The following KIFAP3 variants were observed in gnomAD, a reference collection of about 807,000 sequenced individuals.
KIFAP3 encodes kinesin associated protein 3.
KIFAP3 carries 68 observed loss-of-function variants against 106.5 expected under a neutral mutation model. That is an observed-to-expected ratio of 0.64 (90% CI 0.53 to 0.78). The LOEUF is 0.78. Among genes scored for constraint, KIFAP3 ranks in the 30% least tolerant of loss-of-function variants. KIFAP3 has a pLI of 0.00. For missense variants in KIFAP3, 780 were observed against 941.8 expected (o/e 0.83, Z 2.25); for synonymous variants, 320 against 311.5 (o/e 1.03, Z -0.29).
intron 10 of KIFAP3, among the ~76,000 whole-genome samples, chr1:169,995,857 A>AAAAGAAT (rs1257201491): frequency 6.6e-6 from 1 of 152,162 alleles, no homozygotes; most frequent in African/African-American, 2.4e-5. Flanking sequence ...TAAAATAAAT[A>AAAAGAAT]AAAGAATAAC....
intron 18 of KIFAP3, among the ~76,000 whole-genome samples, chr1:169,955,546 G>A (rs534980620): frequency 6.6e-6 from 1 of 152,142 alleles, no homozygotes; most frequent in African/African-American, 2.4e-5. Context: ...TGTTTGAGGA[G>A]TAAGGGTCTA....
At chr1:169,943,701 A>G (rs1261591002) in intron 19 of KIFAP3, among the ~76,000 whole-genome samples, 1 of 152,204 alleles carries the variant, frequency 6.6e-6, no homozygotes, top group African/African-American at 2.4e-5. Context: ...ATCCTTGCTT[A>G]AAGACTTTCT....
At chr1:170,066,592 G>A (rs1465801817) in intron 1 of KIFAP3, among the ~76,000 whole-genome samples, 1 of 152,126 alleles carries the variant, frequency 6.6e-6, no homozygotes, top group Non-Finnish European at 1.5e-5. Context: ...TGAATTTGAG[G>A]CTACTTTTCC....
chr1:169,924,456 C>T (rs1233808393), intron 19 of KIFAP3, among the ~76,000 whole-genome samples: 1 of 152,174 alleles, frequency 6.6e-6, no homozygotes, highest in East Asian at 1.9e-4. Context: ...CATTATGTAT[C>T]ACAGATGAAC....
intron 10 of KIFAP3, among the ~76,000 whole-genome samples, chr1:170,003,798 A>T (rs539510569): frequency 6.6e-6 from 1 of 152,332 alleles, no homozygotes; most frequent in East Asian, 1.9e-4. Flanking sequence ...GAAAACTGGC[A>T]CAAGACAGGG....
chr1:170,055,051 T>C (rs1290887735), intron 2 of KIFAP3, among the ~76,000 whole-genome samples: 1 of 152,204 alleles, frequency 6.6e-6, no homozygotes, highest in Non-Finnish European at 1.5e-5. Context: ...ATCTATTATA[T>C]TCATTTTCTA....
In KIFAP3 at chr1:169,964,246, G is replaced by A. The variant is rs7550342; in HGVS notation, c.1984-3011C>T. Among the ~76,000 whole-genome samples, 551 of 152,188 alleles carry A rather than the reference G, an allele frequency of 3.6e-3. 3 individuals carry two copies. Among genetic ancestry groups the A allele is most frequent in the Middle Eastern group, 0.01 (3 of 294 alleles). ...AATGTTAGCCATTACCTTAATTAAA[G>A]TAACGGCTCTCTGACATATGTGCCA... On this transcript the variant is annotated intron_variant, in intron 17 of 19. Coordinates refer to ENST00000361580, the MANE Select transcript of KIFAP3 (RefSeq NM_014970.4).
intron 1 of KIFAP3, among the ~76,000 whole-genome samples, chr1:170,080,206 C>T (rs941416663): frequency 1.3e-5 from 2 of 151,838 alleles, no homozygotes; most frequent in Non-Finnish European, 2.9e-5. Flanking sequence ...GATAAATCTA[C>T]CAAAATTTGT....
chr1:170,052,320 G>A (rs771409682), intron 2 of KIFAP3, among the ~76,000 whole-genome samples: 2 of 152,050 alleles, frequency 1.3e-5, no homozygotes, highest in Admixed American at 6.5e-5. Context: ...CCAATAACAA[G>A]TTCTGAAATT....
At position 170,038,418 on chromosome 1, in the gene KIFAP3, G is replaced by A. The variant is rs1669796705; in HGVS notation, c.389C>T (p.Ala130Val). The A allele has an allele frequency of 5.0e-6, 8 of 1,605,738 alleles. No homozygotes were observed. In the South Asian group the frequency reaches 9.0e-5, roughly 18 times the overall value. Residue 130 changes from alanine (A) to valine (V), a missense_variant, in exon 5 of 20, where the codon GCT (alanine) becomes GTT (valine). Physicochemically the swap from Ala to Val is moderately conservative, Grantham distance 64 (BLOSUM62 0). This residue lies in a region of KIFAP3 where 588 missense variants were observed against 678.9 expected (regional missense o/e 0.87). Transcript: ENST00000361580. Reference sequence around the variant, plus strand: ...ATATTCATCCATGTCATTAATGTTAGCAACTTCATCAATCTGAAACAAAGA... The same window carrying A: ...ATATTCATCCATGTCATTAATGTTAACAACTTCATCAATCTGAAACAAAGA... ...PFEGMEIDEV[A>V]NINDMDEYIE...
intron 19 of KIFAP3, among the ~76,000 whole-genome samples, chr1:169,947,965 T>C (rs1223704812): frequency 3.3e-5 from 5 of 151,054 alleles, no homozygotes; most frequent in African/African-American, 7.3e-5. Context: ...ATCTAGTATG[T>C]AGACAAAAAT....
At chr1:170,030,029 G>T (rs1669317104) in intron 8 of KIFAP3, among the ~76,000 whole-genome samples, 1 of 151,788 alleles carries the variant, frequency 6.6e-6, no homozygotes, top group Non-Finnish European at 1.5e-5. Flanking sequence ...ACTTCTAGAA[G>T]AAAACATATT....
intron 11 of KIFAP3, among the ~76,000 whole-genome samples, chr1:169,991,207 C>A (rs2101930879): frequency 6.6e-6 from 1 of 152,032 alleles, no homozygotes; most frequent in South Asian, 2.1e-4. Context: ...ATTAACCAGT[C>A]ATGGTGGTGC....
intron 10 of KIFAP3, among the ~76,000 whole-genome samples, chr1:170,010,422 T>C (rs982828462): frequency 3.3e-5 from 5 of 152,002 alleles, no homozygotes; most frequent in African/African-American, 1.2e-4. Context: ...ATGCTTTATG[T>C]GACAAAACAA....
chr1:170,037,902 T>G (rs911346644), intron 5 of KIFAP3, among the ~76,000 whole-genome samples: 4 of 152,204 alleles, frequency 2.6e-5, no homozygotes, highest in Non-Finnish European at 5.9e-5. Flanking sequence ...ACACTTGATG[T>G]GAAATTCAAT....
At chr1:170,061,435 G>A (rs932172703) in intron 1 of KIFAP3, among the ~76,000 whole-genome samples, 61 of 152,338 alleles carry the variant, frequency 4.0e-4, no homozygotes, top group African/African-American at 1.5e-3. Context: ...CTGGCCATTA[G>A]AGAAATGCAA....
intron 16 of KIFAP3, among the ~76,000 whole-genome samples, chr1:169,974,495 G>T (rs1022035020): frequency 3.3e-5 from 5 of 151,624 alleles, no homozygotes; most frequent in Non-Finnish European, 7.4e-5. Flanking sequence ...GTACAGATTT[G>T]CTACATGGCT....
rs1463133534 is a variant in KIFAP3, at chr1:169,948,982, AAATAAGTCT to A, written c.2273+5020_2273+5028del. Among the ~76,000 whole-genome samples the A allele has an allele frequency of 7.9e-5, 12 of 151,784 alleles. No homozygotes were observed. In the South Asian group the frequency reaches 2.5e-3, roughly 31 times the overall value. ...AATTAAGGCAGCCTTACAGCTAAAC[AAATAAGTCT>A]AATTTTTTTATATGTAGAATTCTAG... is the stretch of plus-strand genomic sequence containing the variant. On this transcript the variant is annotated intron_variant, in intron 19 of 19. Transcript: ENST00000361580.
chr1:170,037,817 T>A (rs1490297104), intron 5 of KIFAP3, among the ~76,000 whole-genome samples: 1 of 152,120 alleles, frequency 6.6e-6, no homozygotes, highest in Non-Finnish European at 1.5e-5. Flanking sequence ...AGTGGTGTTA[T>A]TGAGAAAAGG....
Sources: allele counts gnomAD v4.1 joint callset (sites outside exome capture counted in the v4.1 genomes callset), GRCh38; gene constraint gnomAD v4.1.1; regional missense constraint gnomAD v4.1.1; transcripts MANE v1.5; gene names NCBI Gene and HGNC (gene_info 2026-07-23, HGNC 2026-07-21).